COL25A1: variants seen among roughly 807,000 people sequenced by gnomAD.
COL25A1 encodes collagen alpha-1(XXV) chain.
COL25A1 carries 103 observed loss-of-function variants against 128.4 expected under a neutral mutation model. The observed-to-expected ratio is 0.80, with a 90% CI of 0.68 to 0.94. COL25A1 has a LOEUF of 0.94. Among genes scored for constraint, COL25A1 ranks in the 40% least tolerant of loss-of-function variants. The probability of loss-of-function intolerance (pLI) is 0.00; values close to 1 mark genes in which losing one functional copy is unlikely to be tolerated. For missense variants in COL25A1, 745 were observed against 840.0 expected (o/e 0.89, Z 1.40); for synonymous variants, 279 against 277.2 (o/e 1.01, Z -0.06).
intron 6 of COL25A1, among the ~76,000 whole-genome samples, chr4:108,998,405 C>A (rs998824635): frequency 6.6e-6 from 1 of 152,160 alleles, no homozygotes; most frequent in Non-Finnish European, 1.5e-5. Flanking sequence ...ATCCAACTTA[C>A]AAGGGATGTG....
intron 3 of COL25A1, among the ~76,000 whole-genome samples, chr4:109,205,734 G>A (rs1302378538): frequency 2.0e-5 from 3 of 152,048 alleles, no homozygotes; most frequent in African/African-American, 7.2e-5. Context: ...ATCTAATAAA[G>A]TTTCACCTAA....
intron 3 of COL25A1, among the ~76,000 whole-genome samples, chr4:109,097,662 A>ATTTT (rs780098779): frequency 0.071 from 8,823 of 124,442 alleles, 483 homozygotes; most frequent in East Asian, 0.22. Flanking sequence ...GTAAACATCA[A>ATTTT]TTTTTTTTTT....
chr4:109,276,494 G>C (rs184022366), intron 3 of COL25A1, among the ~76,000 whole-genome samples: 4 of 151,940 alleles, frequency 2.6e-5, no homozygotes, highest in African/African-American at 9.7e-5. Context: ...ACTATTTATA[G>C]TATAATTCTT....
chr4:108,819,404 CT>C (rs2125707802), intron 35 of COL25A1, 75 bp from the exon 36 acceptor site: 2 of 1,229,278 alleles, frequency 1.6e-6, no homozygotes, highest in Admixed American at 3.9e-5. Context: ...AAAGAAGTAA[CT>C]ACAACAACAA....
intron 3 of COL25A1, among the ~76,000 whole-genome samples, chr4:109,297,093 T>C (rs1157392098): frequency 6.6e-6 from 1 of 152,120 alleles, no homozygotes. Flanking sequence ...ACAGCTTCAA[T>C]TTGTATGGAA....
At chr4:109,118,546 C>T (rs764332577) in intron 3 of COL25A1, among the ~76,000 whole-genome samples, 2 of 151,716 alleles carry the variant, frequency 1.3e-5, no homozygotes, top group African/African-American at 2.4e-5. Flanking sequence ...AGATGTACCA[C>T]GGGAACACTA....
At chr4:108,974,656 CAG>C (rs1752254196) in intron 6 of COL25A1, 97 bp from the exon 7 acceptor site, 1 of 988,682 alleles carries the variant, frequency 1.0e-6, no homozygotes, top group Non-Finnish European at 1.5e-6. Context: ...TCAAAGAATA[CAG>C]AGATAGCTGT....
chr4:108,851,934 A>T (rs1735824824), intron 26 of COL25A1, among the ~76,000 whole-genome samples: 1 of 152,016 alleles, frequency 6.6e-6, no homozygotes, highest in Non-Finnish European at 1.5e-5. Flanking sequence ...CATACACCAC[A>T]TTTAGTGTTT....
intron 3 of COL25A1, among the ~76,000 whole-genome samples, chr4:109,282,307 C>A (rs1044227581): frequency 6.6e-6 from 1 of 152,246 alleles, no homozygotes; most frequent in African/African-American, 2.4e-5. Context: ...GCAAAACCTT[C>A]AGGACAAAAC....
intron 3 of COL25A1, among the ~76,000 whole-genome samples, chr4:109,143,337 G>A (rs763120320): frequency 1.1e-4 from 17 of 152,078 alleles, no homozygotes; most frequent in African/African-American, 1.9e-4. Flanking sequence ...TGCCCTTAAC[G>A]TTTTTTCCTT....
rs182116579 is a variant in COL25A1 at position 109,261,776 on chromosome 4, C to T, written c.367+38807G>A. ...GCAGTGGCATGATCTCGGCTCACTGCGAGCTCCACCTCCCAGGTTCACGCC... is the reference window on the plus strand; with the variant it reads ...GCAGTGGCATGATCTCGGCTCACTGTGAGCTCCACCTCCCAGGTTCACGCC... On this transcript the variant is annotated intron_variant, in intron 3 of 37. Coordinates refer to ENST00000399132, the MANE Select transcript of COL25A1 (RefSeq NM_198721.4). Among the ~76,000 whole-genome samples, 1,142 of 151,660 alleles carry T rather than the reference C, an allele frequency of 7.5e-3. 60 individuals are homozygous for T. In the South Asian group the frequency reaches 0.14, roughly 18 times the overall value.
At chr4:109,109,708 C>T (rs1766812793) in intron 3 of COL25A1, among the ~76,000 whole-genome samples, 1 of 152,166 alleles carries the variant, frequency 6.6e-6, no homozygotes. Flanking sequence ...TGCCCTTAAC[C>T]CCACACCTAA....
rs374984379 is a variant in COL25A1, at chr4:109,211,222, TTGTG to T, written c.367+89357_367+89360del. ...ATATTTTTAAATACATATATATATATTGTGTGTGTGTATGTATATATATGAAACA... is the reference window on the plus strand; with the variant it reads ...ATATTTTTAAATACATATATATATATTGTGTGTATGTATATATATGAAACA... On this transcript the variant is annotated intron_variant, in intron 3 of 37. Coordinates refer to ENST00000399132, the MANE Select transcript of COL25A1 (RefSeq NM_198721.4). Among the ~76,000 whole-genome samples, 3 of 141,338 alleles carry T rather than the reference TTGTG, an allele frequency of 2.1e-5. No individual in the cohort carries two copies. In the Admixed American group the frequency reaches 2.1e-4, roughly 10 times the overall value. 92.7% of individuals were successfully genotyped at this position (141,338 alleles called of 152,430 possible).
intron 13 of COL25A1, 89 bp downstream of exon 13, chr4:108,918,083 G>T: frequency 2.8e-6 from 2 of 706,294 alleles, no homozygotes; most frequent in South Asian, 2.8e-5. Flanking sequence ...AAGCATATAA[G>T]CTTATTACTA....
intron 13 of COL25A1, among the ~76,000 whole-genome samples, chr4:108,906,031 C>T (rs1293724699): frequency 1.3e-5 from 2 of 152,126 alleles, no homozygotes; most frequent in Non-Finnish European, 2.9e-5. Context: ...GACCAACTAA[C>T]GGAGTTCTTT....
At chr4:109,075,043 G>A (rs747907171) in intron 3 of COL25A1, among the ~76,000 whole-genome samples, 52 of 152,048 alleles carry the variant, frequency 3.4e-4, no homozygotes, top group Non-Finnish European at 6.5e-4. Context: ...ACCAAAATAG[G>A]TTATTAAGTT....
intron 13 of COL25A1, among the ~76,000 whole-genome samples, chr4:108,904,167 G>T (rs886413822): frequency 6.6e-6 from 1 of 152,080 alleles, no homozygotes; most frequent in Non-Finnish European, 1.5e-5. Flanking sequence ...GAATCTGTAG[G>T]TGCTGATTAT....
chr4:109,088,360 A>G (rs1472772592), intron 3 of COL25A1, among the ~76,000 whole-genome samples: 5 of 152,232 alleles, frequency 3.3e-5, no homozygotes, highest in African/African-American at 1.2e-4. Context: ...AACTGAGGCT[A>G]AATCAGTGGT....
chr4:108,879,393 T>C (rs995472367), intron 19 of COL25A1, among the ~76,000 whole-genome samples: 10 of 151,884 alleles, frequency 6.6e-5, no homozygotes, highest in South Asian at 2.1e-4. Flanking sequence ...TGTTTTTTTT[T>C]CCCCCAATTT....
Sources: gnomAD v4.1 joint callset for allele counts (sites outside exome capture counted in the v4.1 genomes callset) on GRCh38, gnomAD v4.1.1 for gene constraint, MANE v1.5 for transcripts, NCBI Gene and HGNC (gene_info 2026-07-23, HGNC 2026-07-21) for gene names.